ZNF618: variants seen among roughly 807,000 people sequenced by gnomAD.
ZNF618 encodes zinc finger protein 618.
In ZNF618, 34 loss-of-function variants were observed where a neutral mutation model predicts 103.0. That is an observed-to-expected ratio of 0.33 (90% CI 0.25 to 0.44). ZNF618 has a LOEUF of 0.44. Among genes scored for constraint, ZNF618 ranks in the 20% least tolerant of loss-of-function variants. The pLI, the probability that ZNF618 is intolerant of heterozygous loss-of-function variation, is 1.00. For missense variants in ZNF618, 1,059 were observed against 1,295.4 expected (o/e 0.82, Z 2.80); for synonymous variants, 551 against 542.2 (o/e 1.02, Z -0.23).
intron 6 of ZNF618, among the ~76,000 whole-genome samples, 167 bp downstream of exon 6, chr9:114,002,829 G>C (rs1564283538): frequency 1.3e-5 from 2 of 152,236 alleles, no homozygotes; most frequent in Non-Finnish European, 2.9e-5. Flanking sequence ...CCGCAATGCG[G>C]TACCTCAGAG....
At chr9:113,919,304 T>G (rs1464884713) in intron 1 of ZNF618, among the ~76,000 whole-genome samples, 2 of 152,148 alleles carry the variant, frequency 1.3e-5, no homozygotes, top group Non-Finnish European at 2.9e-5. Flanking sequence ...GGACCCCCAC[T>G]GGTGTGTCTG....
intron 1 of ZNF618, among the ~76,000 whole-genome samples, chr9:113,950,286 C>G (rs1167371129): frequency 6.6e-6 from 1 of 152,190 alleles, no homozygotes; most frequent in African/African-American, 2.4e-5. Context: ...TGCTAGTTGA[C>G]ACCCCCACCT....
At chr9:113,994,928 TAA>T (rs77497554) in intron 3 of ZNF618, among the ~76,000 whole-genome samples, 26 of 139,536 alleles carry the variant, frequency 1.9e-4, no homozygotes, top group East Asian at 4.1e-4. Flanking sequence ...GGATATTGTG[TAA>T]AAAAAAAAAA....
intron 10 of ZNF618, 51 bp from the exon 11 acceptor site, chr9:114,028,682 C>CA: frequency 1.3e-6 from 2 of 1,522,626 alleles, no homozygotes; most frequent in South Asian, 1.2e-5. Context: ...AGAGGCCACT[C>CA]ACTCTGCCGG....
At chr9:114,002,512 G>T in intron 5 of ZNF618, 112 bp from the exon 6 acceptor site, 1 of 1,226,590 alleles carries the variant, frequency 8.2e-7, no homozygotes, top group Non-Finnish European at 1.2e-6. Context: ...GGGGCCCGGT[G>T]CGGGACTGTG....
Position 114,048,951 on chromosome 9 carries a change from G to C in ZNF618, c.1649G>C (p.Gly550Ala). ...GGCAGCAATGCCTGCCTAGGCATCGGTGTCACCTGCCACTCCCAGAGTGTT... is the reference window on the plus strand; with the variant it reads ...GGCAGCAATGCCTGCCTAGGCATCGCTGTCACCTGCCACTCCCAGAGTGTT... The part of the protein sequence containing the change: ...ALGSNACLGI[G>A]VTCHSQSVGP... Residue 550 changes from glycine (G) to alanine (A), a missense_variant, in exon 15 of 15, where the codon GGT (glycine) becomes GCT (alanine). Physicochemically the swap from Gly to Ala is moderately conservative, Grantham distance 60. This residue lies in a region of ZNF618 where 272 missense variants were observed against 380.1 expected (regional missense o/e 0.72). Coordinates refer to ENST00000374126, the MANE Select transcript of ZNF618 (RefSeq NM_001318042.2). The C allele has an allele frequency of 6.2e-7, 1 of 1,609,746 alleles. No homozygotes were observed. Among genetic ancestry groups the C allele is most frequent in the Non-Finnish European group, 8.5e-7 (1 of 1,178,284 alleles).
At chr9:113,988,716 G>C in intron 3 of ZNF618, 136 bp downstream of exon 3, 1 of 1,311,682 alleles carries the variant, frequency 7.6e-7, no homozygotes, top group Non-Finnish European at 1.0e-6. Flanking sequence ...CTGCATTCAG[G>C]GAGAGATCTC....
intron 1 of ZNF618, among the ~76,000 whole-genome samples, chr9:113,957,952 C>A (rs570571611): frequency 6.6e-6 from 1 of 151,930 alleles, no homozygotes; most frequent in Non-Finnish European, 1.5e-5. Flanking sequence ...TCGCTCCAGG[C>A]GGTTTTCCCT....
intron 1 of ZNF618, among the ~76,000 whole-genome samples, chr9:113,952,797 C>A (rs1390147312): frequency 6.6e-6 from 1 of 152,218 alleles, no homozygotes; most frequent in Non-Finnish European, 1.5e-5. Context: ...ATGCCTGACC[C>A]ACATTCACAT....
intron 1 of ZNF618, among the ~76,000 whole-genome samples, chr9:113,965,762 T>A (rs931684022): frequency 6.6e-6 from 1 of 152,154 alleles, no homozygotes; most frequent in Non-Finnish European, 1.5e-5. Flanking sequence ...AGCTACATCC[T>A]TAAGGAGCAC....
At chr9:113,883,332 C>T (rs1828710066) in intron 1 of ZNF618, among the ~76,000 whole-genome samples, 1 of 152,190 alleles carries the variant, frequency 6.6e-6, no homozygotes, top group South Asian at 2.1e-4. Context: ...TGACTTTCAC[C>T]CCTGCCCTCC....
At chr9:114,046,391 A>G (rs1003646903) in intron 13 of ZNF618, among the ~76,000 whole-genome samples, 1 of 152,210 alleles carries the variant, frequency 6.6e-6, no homozygotes, top group African/African-American at 2.4e-5. Flanking sequence ...AGTATTCAGT[A>G]CAGTAACGCA....
intron 1 of ZNF618, among the ~76,000 whole-genome samples, chr9:113,955,715 C>T (rs1836217845): frequency 6.6e-6 from 1 of 151,894 alleles, no homozygotes. Context: ...CTTTGCCCTT[C>T]TGTAATTATT....
rs1430133742 is a variant in ZNF618 at position 113,951,551 on chromosome 9, A to ATATG, written c.34-17565_34-17564insATGT. Among the ~76,000 whole-genome samples, 9 of 51,234 alleles carry ATATG rather than the reference A, an allele frequency of 1.8e-4. 1 individual carries two copies. In the East Asian group the frequency reaches 5.5e-3, roughly 31 times the overall value. 33.6% of individuals were successfully genotyped at this position (51,234 alleles called of 152,430 possible). A position where few individuals can be genotyped will look rare whatever the true frequency, so the allele number is the denominator to read the frequency against. On this transcript the variant is annotated intron_variant, in intron 1 of 14. Coordinates refer to ENST00000374126, the MANE Select transcript of ZNF618 (RefSeq NM_001318042.2). ...CATATGTGTGTACATATGTACACATATGTGTGTGTATATGTGTGTGTGTAT... is the reference window on the plus strand; with the variant it reads ...CATATGTGTGTACATATGTACACATATATGTGTGTGTGTATATGTGTGTGTGTAT...
Position 114,049,027 on chromosome 9 carries a change from C to G in ZNF618, c.1725C>G (p.His575Gln), listed in dbSNP as rs778836895. 1.1e-5 allele frequency: 17 copies of G among 1,613,570 alleles called. No homozygotes were observed. Among genetic ancestry groups the G allele is most frequent in the Non-Finnish European group, 1.4e-5 (17 of 1,179,584 alleles). Residue 575 changes from histidine (H) to glutamine (Q), a missense_variant, in exon 15 of 15, where the codon CAC (histidine) becomes CAG (glutamine). Transcript: ENST00000374126. ...ILTAYQAEGNHIKSYVLGVKG... is the reference protein window; with the variant it reads ...ILTAYQAEGNQIKSYVLGVKG... ...CAGCCTACCAGGCCGAGGGCAACCA[C>G]ATCAAGAGCTATGTGCTTGGTGTGA...
chr9:114,003,822 C>T (rs1169222208), intron 6 of ZNF618, among the ~76,000 whole-genome samples: 1 of 152,160 alleles, frequency 6.6e-6, no homozygotes, highest in African/African-American at 2.4e-5. Flanking sequence ...GGGTTAGCAA[C>T]ATTTTTCTGC....
At chr9:113,886,094 C>G (rs926134738) in intron 1 of ZNF618, among the ~76,000 whole-genome samples, 10 of 152,164 alleles carry the variant, frequency 6.6e-5, no homozygotes, top group Non-Finnish European at 1.0e-4. Flanking sequence ...GTGTCTCCCC[C>G]AGGGGTGGAA....
At position 113,988,362 on chromosome 9, in the gene ZNF618, G is replaced by T; in HGVS notation, c.119G>T (p.Gly40Val). Residue 40 changes from glycine to valine, a missense_variant, in exon 3 of 15, where the codon GGC becomes GTC. Gly to Val is a moderately radical substitution (Grantham distance 109). Coordinates refer to ENST00000374126, the MANE Select transcript of ZNF618 (RefSeq NM_001318042.2). ...KRSQKSTKVE[G>V]PEPVPAEASL... ...AGCCAGAAGAGCACCAAGGTGGAGGGCCCAGAGCCAGTGCCAGCCGAGGCC... is the reference window on the plus strand; with the variant it reads ...AGCCAGAAGAGCACCAAGGTGGAGGTCCCAGAGCCAGTGCCAGCCGAGGCC... 6.2e-7 allele frequency: 1 copy of T among 1,613,252 alleles called. No homozygotes were observed. The highest frequency in any genetic ancestry group is 8.5e-7 in the Non-Finnish European group (1 of 1,179,820).
intron 13 of ZNF618, among the ~76,000 whole-genome samples, chr9:114,038,211 G>C (rs1156335895): frequency 6.6e-6 from 1 of 152,166 alleles, no homozygotes; most frequent in South Asian, 2.1e-4. Flanking sequence ...CTGAATCCTC[G>C]GCACTCTGCC....
Sources: gnomAD v4.1 joint callset for allele counts (sites outside exome capture counted in the v4.1 genomes callset) on GRCh38, gnomAD v4.1.1 for gene constraint, gnomAD v4.1.1 regional missense constraint, MANE v1.5 for transcripts, NCBI Gene and HGNC (gene_info 2026-07-23, HGNC 2026-07-21) for gene names.